The following RBPJ variants were observed in gnomAD, a reference collection of about 807,000 sequenced individuals.
RBPJ encodes the protein recombination signal binding protein for immunoglobulin kappa J region.
RBPJ carries 9 observed loss-of-function variants against 67.8 expected under a neutral mutation model. The ratio of observed to expected loss-of-function variants is 0.13; its 90% CI spans 0.08 to 0.23. The LOEUF (loss-of-function observed/expected upper bound fraction) is 0.23, where lower values mean the gene tolerates loss of function less well. Among genes scored for constraint, RBPJ ranks in the 10% least tolerant of loss-of-function variants. The probability of loss-of-function intolerance (pLI) is 1.00; values close to 1 mark genes in which losing one functional copy is unlikely to be tolerated. For missense variants in RBPJ, 305 were observed against 595.6 expected, an observed-to-expected ratio of 0.51 and a Z score of 5.08; for synonymous variants, 198 against 203.3, an observed-to-expected ratio of 0.97 and a Z score of 0.22.
intron 1 of RBPJ, among the ~76,000 whole-genome samples, chr4:26,364,625 CTTTTTTTTTTTT>C (rs932946481): frequency 9.5e-6 from 1 of 105,516 alleles, no homozygotes; most frequent in African/African-American, 3.5e-5. Flanking sequence ...TTTTCATTTT[CTTTTTTTTTTTT>C]TTTTCTTGAA....
intron 1 of RBPJ, among the ~76,000 whole-genome samples, chr4:26,177,723 T>C (rs1022393383): frequency 7.9e-5 from 12 of 152,342 alleles, no homozygotes; most frequent in African/African-American, 2.9e-4. Context: ...AATCATTTTA[T>C]TTTCTGATGA....
chr4:26,401,215 T>TA lies in RBPJ; in HGVS notation c.60-4959dup, dbSNP rs1218171148. ...ATATGAGGCATTACTGCCTTTATCT[T>TA]ACAGGTGAGAAAACTCAGGCTTAGT... On this transcript the variant is annotated intron_variant, in intron 2 of 10. Coordinates refer to ENST00000355476, the MANE Select transcript of RBPJ (RefSeq NM_015874.6). Among the ~76,000 whole-genome samples, 8 of 152,342 alleles carry TA rather than the reference T, an allele frequency of 5.3e-5. No individual in the cohort carries two copies. In the East Asian group the frequency reaches 1.5e-3, roughly 29 times the overall value.
intron 1 of RBPJ, among the ~76,000 whole-genome samples, chr4:26,309,786 T>C (rs2109306162): frequency 6.6e-6 from 1 of 152,336 alleles, no homozygotes; most frequent in South Asian, 2.1e-4. Flanking sequence ...ATTATTCATA[T>C]GGTGTTGTCA....
At chr4:26,420,746 T>A in intron 5 of RBPJ, 21 bp downstream of exon 5, 10 of 1,555,618 alleles carry the variant, frequency 6.4e-6, no homozygotes, top group Non-Finnish European at 7.8e-6. Context: ...TTTTCTTATT[T>A]ATCCCCAACT....
intron 2 of RBPJ, among the ~76,000 whole-genome samples, chr4:26,403,970 C>T (rs2109733818): frequency 1.3e-5 from 2 of 152,246 alleles, no homozygotes; most frequent in East Asian, 3.9e-4. Context: ...TACTACTTTC[C>T]ACAACAGTTG....
At chr4:26,240,186 G>A (rs1462286333) in intron 1 of RBPJ, among the ~76,000 whole-genome samples, 2 of 152,044 alleles carry the variant, frequency 1.3e-5, no homozygotes, top group Non-Finnish European at 2.9e-5. Flanking sequence ...CCCCAACATC[G>A]CATGAGGCCT....
At chr4:26,292,853 C>T (rs1721718174) in intron 1 of RBPJ, among the ~76,000 whole-genome samples, 1 of 150,202 alleles carries the variant, frequency 6.7e-6, no homozygotes, top group Non-Finnish European at 1.5e-5. Context: ...ATTTTTTAAT[C>T]CATTCATCCA....
intron 1 of RBPJ, among the ~76,000 whole-genome samples, chr4:26,255,270 G>A (rs1451546099): frequency 3.2e-4 from 45 of 139,166 alleles, no homozygotes; most frequent in Non-Finnish European, 6.4e-4. Flanking sequence ...CGGGCGTGGT[G>A]GCGGGCGCCT....
At chr4:26,145,976 CA>C in the RBPJ span, among the ~76,000 whole-genome samples, 1 of 152,122 alleles carries the variant, frequency 6.6e-6, no homozygotes, top group Non-Finnish European at 1.5e-5. Context: ...CTCACTCTGC[CA>C]CCCAGGATGA....
chr4:26,245,721 C>T (rs1337497573), intron 1 of RBPJ, among the ~76,000 whole-genome samples: 1 of 152,108 alleles, frequency 6.6e-6, no homozygotes, highest in Admixed American at 6.5e-5. Context: ...TTGCAGTTAG[C>T]CCTATAATTT....
intron 2 of RBPJ, among the ~76,000 whole-genome samples, chr4:26,403,991 C>A (rs191427155): frequency 6.6e-6 from 1 of 152,166 alleles, no homozygotes; most frequent in Admixed American, 6.5e-5. Flanking sequence ...AACTAATTTA[C>A]GCTACCACCA....
chr4:26,411,637 A>T (rs954736510), intron 3 of RBPJ, among the ~76,000 whole-genome samples: 1 of 151,676 alleles, frequency 6.6e-6, no homozygotes, highest in Admixed American at 6.6e-5. Flanking sequence ...TATTTATTAC[A>T]TGATTGGAAA....
chr4:26,210,782 T>C lies in RBPJ; in HGVS notation c.-167+47168T>C, dbSNP rs904159709. On this transcript the variant is annotated intron_variant, in intron 1 of 4. Coordinates refer to the RBPJ transcript ENST00000512351. Reference sequence around the variant, plus strand: ...TTCTTTCTTTCTTTCTTTCTTTCTTTCTTTCTTTCTTTCTTTCTTTCTTTC... The same window carrying C: ...TTCTTTCTTTCTTTCTTTCTTTCTTCCTTTCTTTCTTTCTTTCTTTCTTTC... Among the ~76,000 whole-genome samples the C allele has an allele frequency of 3.4e-5, 5 of 146,116 alleles. No homozygotes were observed. The Admixed American group carries it at 3.5e-4, about 10-fold the overall frequency.
intron 3 of RBPJ, among the ~76,000 whole-genome samples, chr4:26,411,833 C>T (rs1313404878): frequency 3.3e-5 from 5 of 151,818 alleles, no homozygotes; most frequent in Non-Finnish European, 4.4e-5. Flanking sequence ...ATGGGCCAGG[C>T]GCGGTGGCTC....
chr4:26,148,491 G>A, the RBPJ span, among the ~76,000 whole-genome samples: 1 of 152,236 alleles, frequency 6.6e-6, no homozygotes, highest in African/African-American at 2.4e-5. Context: ...AAAGGCAAGT[G>A]TGAGAGGAGG....
chr4:26,302,344 C>T (rs1560252327), intron 1 of RBPJ, among the ~76,000 whole-genome samples: 1 of 152,160 alleles, frequency 6.6e-6, no homozygotes, highest in South Asian at 2.1e-4. Flanking sequence ...TGGAAGGAAC[C>T]TTTAAGGTGT....
chr4:26,334,367 T>G (rs1724583019), intron 1 of RBPJ, among the ~76,000 whole-genome samples: 1 of 152,062 alleles, frequency 6.6e-6, no homozygotes, highest in Admixed American at 6.6e-5. Context: ...GTATTTTCTT[T>G]TTTTTTTTCT....
chr4:26,261,027 A>T (rs903716795), intron 1 of RBPJ, among the ~76,000 whole-genome samples: 6 of 152,238 alleles, frequency 3.9e-5, no homozygotes, highest in African/African-American at 1.4e-4. Context: ...AATATCTTAC[A>T]TATAAAAGGT....
intron 1 of RBPJ, among the ~76,000 whole-genome samples, chr4:26,233,387 G>T (rs577923926): frequency 5.3e-5 from 8 of 152,252 alleles, no homozygotes; most frequent in South Asian, 2.1e-4. Flanking sequence ...TTGGTAACAG[G>T]TTTCCTTGCA....
Sources: allele counts gnomAD v4.1 joint callset (sites outside exome capture counted in the v4.1 genomes callset), GRCh38; gene constraint gnomAD v4.1.1; transcripts MANE v1.5; gene names NCBI Gene and HGNC (gene_info 2026-07-23, HGNC 2026-07-21).